The following SPATA22 variants were observed in gnomAD, a reference collection of about 807,000 sequenced individuals.
SPATA22 encodes the protein spermatogenesis associated 22.
SPATA22 carries 29 observed loss-of-function variants against 47.8 expected under a neutral mutation model. The ratio of observed to expected loss-of-function variants is 0.61; its 90% CI spans 0.45 to 0.83. The LOEUF is 0.83. SPATA22 is among the 40% of genes least tolerant of loss of function. SPATA22 has a pLI of 0.00. For missense variants in SPATA22, 410 were observed against 421.7 expected, an observed-to-expected ratio of 0.97 and a Z score of 0.24; for synonymous variants, 133 against 140.9, an observed-to-expected ratio of 0.94 and a Z score of 0.40.
intron 1 of SPATA22, among the ~76,000 whole-genome samples, chr17:3,483,076 G>C (rs1427562523): frequency 1.3e-5 from 2 of 151,810 alleles, no homozygotes; most frequent in Non-Finnish European, 2.9e-5. Flanking sequence ...AGATAAGCAG[G>C]AGGAGGGGGA....
intron 5 of SPATA22, among the ~76,000 whole-genome samples, chr17:3,454,553 G>A (rs1481095386): frequency 6.6e-6 from 1 of 151,484 alleles, no homozygotes; most frequent in Non-Finnish European, 1.5e-5. Flanking sequence ...TGCGGTGTTT[G>A]GTTTTTTGTC....
At chr17:3,502,426 G>A (rs1253249690) in intron 1 of SPATA22, 2 of 152,202 alleles carry the variant, frequency 1.3e-5, no homozygotes, top group African/African-American at 2.4e-5. Flanking sequence ...ATAAGTGCTA[G>A]TAGAAATGAG....
chr17:3,457,307 C>T (rs1432049320), intron 5 of SPATA22, among the ~76,000 whole-genome samples: 1 of 152,042 alleles, frequency 6.6e-6, no homozygotes, highest in Non-Finnish European at 1.5e-5. Context: ...ACCCCATTGT[C>T]TCAGCCCAAA....
At chr17:3,499,011 T>C in intron 1 of SPATA22, 1 of 1,614,194 alleles carries the variant, frequency 6.2e-7, no homozygotes, top group Non-Finnish European at 8.5e-7. Context: ...GGCCGCATAT[T>C]ACGAAAAGAA....
upstream of SPATA22, among the ~76,000 whole-genome samples, chr17:3,474,746 A>T (rs1025461130): frequency 2.0e-5 from 3 of 152,234 alleles, no homozygotes; most frequent in African/African-American, 7.2e-5. Flanking sequence ...TTTGGTTTGT[A>T]TGCATGTTTG....
At chr17:3,471,560 G>A in intron 1 of SPATA22, 122 bp downstream of exon 1, 29 of 983,714 alleles carry the variant, frequency 2.9e-5, no homozygotes, top group Non-Finnish European at 3.4e-5. Context: ...GGCCTCAAAT[G>A]GCGGCCTGTT....
chr17:3,475,012 T>C (rs1248806922), upstream of SPATA22, among the ~76,000 whole-genome samples: 1 of 152,210 alleles, frequency 6.6e-6, no homozygotes, highest in Admixed American at 6.5e-5. Flanking sequence ...ATAAAATTAA[T>C]GTATGAATAA....
chr17:3,492,780 A>C (rs905074094), intron 1 of SPATA22, among the ~76,000 whole-genome samples: 10 of 152,296 alleles, frequency 6.6e-5, no homozygotes, highest in Non-Finnish European at 1.2e-4. Flanking sequence ...CATAACAGTA[A>C]GGCCATCCCA....
Position 3,465,217 on chromosome 17 carries a change from G to A in SPATA22, c.172+2209C>T, listed in dbSNP as rs1264189108. Among the ~76,000 whole-genome samples the A allele has an allele frequency of 1.4e-3, 190 of 131,532 alleles. No homozygotes were observed. In the Middle Eastern group the frequency reaches 0.016, roughly 11 times the overall value. The allele number at this position is 131,532 out of a possible 152,430, so 86.3% of individuals were successfully genotyped here. ...CAGGAGGTGAGGGGCGCCTCTGCCC[G>A]GCCGCCCCTACTGGGAAGTGAGGAG... is the stretch of plus-strand genomic sequence containing the variant. On this transcript the variant is annotated intron_variant, in intron 3 of 8. Transcript: ENST00000572969.
At chr17:3,458,855 C>CAAAAAAAAAAAAAAATA (rs2073056464) in intron 5 of SPATA22, among the ~76,000 whole-genome samples, 1 of 38,344 alleles carries the variant, frequency 2.6e-5, no homozygotes, top group Non-Finnish European at 4.5e-5. Context: ...CGAAACTTCA[C>CAAAAAAAAAAAAAAATA]AAAAAAAAAA....
At chr17:3,449,388 C>G (rs566639180) in intron 5 of SPATA22, among the ~76,000 whole-genome samples, 1 of 152,262 alleles carries the variant, frequency 6.6e-6, no homozygotes, top group Non-Finnish European at 1.5e-5. Flanking sequence ...CAGGAAATTA[C>G]TCACAAGTCT....
chr17:3,449,769 C>T (rs968574668), intron 5 of SPATA22, among the ~76,000 whole-genome samples: 1 of 152,144 alleles, frequency 6.6e-6, no homozygotes, highest in Non-Finnish European at 1.5e-5. Context: ...ATGCTAGATG[C>T]TAATGAGGCC....
intron 1 of SPATA22, chr17:3,498,864 ATATTT>A (rs776283439): frequency 6.7e-7 from 1 of 1,492,070 alleles, no homozygotes; most frequent in Non-Finnish European, 8.9e-7. Flanking sequence ...CAAATATAAT[ATATTT>A]ATTTTGATTG....
chr17:3,512,936 A>G (rs1379790438), intron 1 of SPATA22: 1 of 152,098 alleles, frequency 6.6e-6, no homozygotes, highest in African/African-American at 2.4e-5. Flanking sequence ...AGCAGCTGCT[A>G]TTTCTGCTTC....
Position 3,440,164 on chromosome 17 carries a change from C to T in SPATA22, c.1075G>A (p.Val359Met). The T allele has an allele frequency of 6.3e-7, 1 of 1,586,480 alleles. No homozygotes were observed. The highest frequency in any genetic ancestry group is 8.6e-7 in the Non-Finnish European group (1 of 1,167,424). ...ADVEMQYYIN[V>M]MNET The stretch of plus-strand genomic sequence containing the variant: ...ATCACTACTTAAGTTTCATTCATCA[C>T]ATTAATATAATACTGCATCTCAACA... The change falls in exon 9 of 9, where the codon GTG becomes ATG. Residue 359 changes from valine (V) to methionine (M), a missense_variant. By Grantham distance (21) the Val-to-Met change is conservative (BLOSUM62 1). Coordinates refer to ENST00000572969, the MANE Select transcript of SPATA22 (RefSeq NM_001170698.2).
chr17:3,441,024 G>A (rs2072585999), intron 8 of SPATA22: 1 of 152,038 alleles, frequency 6.6e-6, no homozygotes, highest in Admixed American at 6.6e-5. Context: ...ACCCAAAAGT[G>A]TGATGCCTTT....
chr17:3,458,855 CAAAAAAA>C (rs545223532), intron 5 of SPATA22, among the ~76,000 whole-genome samples: 12 of 38,344 alleles, frequency 3.1e-4, no homozygotes, highest in South Asian at 1.4e-3. Flanking sequence ...CGAAACTTCA[CAAAAAAA>C]AAAAAAAAAA....
chr17:3,485,564 C>T lies in SPATA22; in HGVS notation c.-73-16166G>A, dbSNP rs2073704135. On this transcript the variant is annotated intron_variant, in intron 1 of 8. Coordinates refer to the SPATA22 transcript ENST00000541913. This position sits in a 1 kb window ranked among gnomAD's most constrained non-coding sequence, Gnocchi z 4.4. ...AGCCATCTAACACTGGAAATACATA[C>T]ATTCATGAGCTTGTCCGGAGTGATC... Among the ~76,000 whole-genome samples, 1 of 152,136 alleles carries T rather than the reference C, an allele frequency of 6.6e-6. No homozygotes were observed. The highest frequency in any genetic ancestry group is 2.4e-5 in the African/African-American group (1 of 41,432).
At chr17:3,458,890 AC>A (rs1181865904) in intron 5 of SPATA22, among the ~76,000 whole-genome samples, 1 of 149,862 alleles carries the variant, frequency 6.7e-6, no homozygotes, top group Non-Finnish European at 1.5e-5. Flanking sequence ...ATTCCAAGAT[AC>A]GTAAACAATG....
Sources: gnomAD v4.1 joint callset for allele counts (sites outside exome capture counted in the v4.1 genomes callset) on GRCh38, gnomAD v4.1.1 for gene constraint, Gnocchi (gnomAD v3.1) non-coding constraint, MANE v1.5 for transcripts, NCBI Gene and HGNC (gene_info 2026-07-23, HGNC 2026-07-21) for gene names.